DIABLO: variants seen among roughly 807,000 people sequenced by gnomAD.
DIABLO encodes the protein diablo homolog, mitochondrial.
In DIABLO, 32 loss-of-function variants were observed where a neutral mutation model predicts 31.7. The observed-to-expected ratio is 1.01, with a 90% CI of 0.76 to 1.35. DIABLO has a LOEUF of 1.35. Ranked by LOEUF, DIABLO falls within the 40% of genes most tolerant of loss-of-function variation. The pLI, the probability that DIABLO is intolerant of heterozygous loss-of-function variation, is 0.00. For synonymous variants in DIABLO, 132 were observed against 103.2 expected, an observed-to-expected ratio of 1.28 and a Z score of -1.69; for missense variants, 316 against 286.4, an observed-to-expected ratio of 1.10 and a Z score of -0.75.
intron 1 of DIABLO, 85 bp from the exon 2 acceptor site, chr12:122,224,729 A>C (rs780562855): frequency 6.2e-7 from 1 of 1,612,378 alleles, no homozygotes; most frequent in Non-Finnish European, 8.5e-7. Flanking sequence ...TGTAAACTCA[A>C]ACTCGAGCCA....
Position 122,208,306 on chromosome 12 carries a change from G to T in DIABLO, c.*75C>A. On this transcript the variant is annotated 3_prime_UTR_variant, in exon 6 of 6. Coordinates refer to ENST00000464942, the MANE Select transcript of DIABLO (RefSeq NM_001371333.1). ...CTCTTCTCGGTGCACAGACAGTCAT[G>T]CCAACCCTGGGCAGGGTGGCATCTG... 2 of 1,558,826 alleles carry T rather than the reference G, an allele frequency of 1.3e-6. No individual in the cohort carries two copies. Among genetic ancestry groups the T allele is most frequent in the Non-Finnish European group, 8.8e-7 (1 of 1,140,140 alleles).
intron 5 of DIABLO, among the ~76,000 whole-genome samples, chr12:122,209,335 C>G (rs908264821): frequency 6.6e-6 from 1 of 151,668 alleles, no homozygotes; most frequent in Admixed American, 6.6e-5. Flanking sequence ...TGCACTCCAG[C>G]CTGGGCGACA....
rs1026124106 is a variant in DIABLO at position 122,224,580 on chromosome 12, T to C, written c.115A>G (p.Ile39Val). The change falls in exon 2 of 6, where the codon ATA becomes GTA. Residue 39 changes from isoleucine (I) to valine (V), a missense_variant. By Grantham distance (29) the Ile-to-Val change is conservative (BLOSUM62 3). Coordinates refer to ENST00000464942, the MANE Select transcript of DIABLO (RefSeq NM_001371333.1). Reference protein sequence around the residue: ...NFKKRCFSELIRPWHKTVTIG... With the variant: ...NFKKRCFSELVRPWHKTVTIG... ...GTCACAGTTTTGTGCCATGGTCTTA[T>C]CAATTCTGAGAAACACCGCTTCTTA... The C allele has an allele frequency of 3.7e-6, 6 of 1,613,986 alleles. No individual in the cohort carries two copies. Among genetic ancestry groups the C allele is most frequent in the East Asian group, 2.2e-5 (1 of 44,886 alleles).
intron 2 of DIABLO, chr12:122,220,752 C>T: frequency 6.6e-6 from 1 of 152,194 alleles, no homozygotes; most frequent in East Asian, 1.9e-4. Flanking sequence ...AGAATCACTG[C>T]ATGTTGAAAG....
At chr12:122,227,397 G>A (rs938957755), upstream of DIABLO, 1 of 454,042 alleles carries the variant, frequency 2.2e-6, no homozygotes, top group East Asian at 6.9e-5. Context: ...AAGCTCCGCG[G>A]TTCTGTCTGC....
At chr12:122,216,068 G>A (rs1954205309) in intron 5 of DIABLO, among the ~76,000 whole-genome samples, 1 of 151,990 alleles carries the variant, frequency 6.6e-6, no homozygotes, top group Non-Finnish European at 1.5e-5. Context: ...TCCTGGTTTT[G>A]CCACTGACTA....
intron 1 of DIABLO, chr12:122,224,925 A>G: frequency 9.6e-7 from 1 of 1,044,610 alleles, no homozygotes; most frequent in Non-Finnish European, 1.3e-6. Flanking sequence ...CCTGGGCAAC[A>G]TGGCTGGCAA....
At chr12:122,214,879 C>A (rs999128572) in intron 5 of DIABLO, among the ~76,000 whole-genome samples, 1 of 152,110 alleles carries the variant, frequency 6.6e-6, no homozygotes, top group Non-Finnish European at 1.5e-5. Context: ...TTAGTAGAGA[C>A]AGGGTTTCAC....
rs191255872 is a variant in DIABLO at position 122,208,560 on chromosome 12, T to G, written c.541A>C (p.Ile181Leu). The change falls in exon 6 of 6, where the codon ATA becomes CTA. Residue 181 changes from isoleucine (I) to leucine (L), a missense_variant. Ile to Leu is a conservative substitution (Grantham distance 5). Coordinates refer to ENST00000464942, the MANE Select transcript of DIABLO (RefSeq NM_001371333.1). Reference sequence around the variant, plus strand: ...AGCTGAATGTGATTCCTGGCGGTTATAGAGGCCTGATCTGCGCCTGCCAAA... The same window carrying G: ...AGCTGAATGTGATTCCTGGCGGTTAGAGAGGCCTGATCTGCGCCTGCCAAA... The part of the protein sequence containing the change: ...AYQTGADQAS[I>L]TARNHIQLVK... 388 of 1,613,422 alleles carry G rather than the reference T, an allele frequency of 2.4e-4. 3 individuals carry two copies. Among genetic ancestry groups the G allele is most frequent in the Non-Finnish European group, 1.5e-5 (18 of 1,180,042 alleles).
At chr12:122,226,061 T>A, upstream of DIABLO, 1 of 1,579,328 alleles carries the variant, frequency 6.3e-7, no homozygotes, top group Non-Finnish European at 8.6e-7. Flanking sequence ...GTGACGCAGC[T>A]TCGTGAGCGC....
chr12:122,213,226 G>C (rs1199073899), intron 5 of DIABLO, among the ~76,000 whole-genome samples: 4 of 151,796 alleles, frequency 2.6e-5, no homozygotes. Flanking sequence ...CCAGATTTTT[G>C]GTTAAAAAAG....
intron 2 of DIABLO, chr12:122,220,802 A>G (rs1488415977): frequency 6.6e-6 from 1 of 152,244 alleles, no homozygotes; most frequent in Admixed American, 6.5e-5. Flanking sequence ...CAAATCAAGA[A>G]CTTTATATTT....
chr12:122,216,778 A>T lies in DIABLO; in HGVS notation c.407T>A (p.Ile136Asn), dbSNP rs773157999. 5 of 1,614,230 alleles carry T rather than the reference A, an allele frequency of 3.1e-6. No homozygotes were observed. The highest frequency in any genetic ancestry group is 4.2e-6 in the Non-Finnish European group (5 of 1,180,042). The change falls in exon 4 of 6, where the codon ATC (isoleucine) becomes AAC (asparagine). Residue 136 changes from isoleucine (I) to asparagine (N), a missense_variant. Ile to Asn is a moderately radical substitution (Grantham distance 149). Transcript: ENST00000464942. ...SEEEDEVWQV[I>N]IGARAEMTSK... ...GCTTACCTCAGCTCTGGCTCCTATG[A>T]TCACCTGCCACACTTCATCTTCCTC...
At chr12:122,221,649 C>G (rs1391406288) in intron 2 of DIABLO, 1 of 152,162 alleles carries the variant, frequency 6.6e-6, no homozygotes, top group East Asian at 1.9e-4. Flanking sequence ...CCTCCCACCT[C>G]AGCCTCCAAA....
At chr12:122,219,745 C>T (rs1954294075) in intron 2 of DIABLO, among the ~76,000 whole-genome samples, 2 of 151,420 alleles carry the variant, frequency 1.3e-5, no homozygotes, top group Admixed American at 6.6e-5. Context: ...CACCTGTAGT[C>T]CCAGCTACTT....
rs1192820964 is a variant in DIABLO, at chr12:122,207,761, C to T, written c.*620G>A. 5 of 479,896 alleles carry T rather than the reference C, an allele frequency of 1.0e-5. No individual in the cohort carries two copies. The highest frequency in any genetic ancestry group is 6.2e-5 in the South Asian group (4 of 64,702). 29.7% of individuals were successfully genotyped at this position (479,896 alleles called of 1,614,324 possible). A position where few individuals can be genotyped will look rare whatever the true frequency, so the allele number is the denominator to read the frequency against. Reference sequence around the variant, plus strand: ...AGAGAAACGGAAAGAAAGGAAGGAACAAGAGGCCTGTGTTAAGTCCTGTTG... The same window carrying T: ...AGAGAAACGGAAAGAAAGGAAGGAATAAGAGGCCTGTGTTAAGTCCTGTTG... On this transcript the variant is annotated 3_prime_UTR_variant, in exon 6 of 6. Transcript: ENST00000464942.
At position 122,208,424 on chromosome 12, in the gene DIABLO, T is replaced by TC. The variant is rs771450082; in HGVS notation, c.676dup (p.Glu226GlyfsTer4). The TC allele has an allele frequency of 6.2e-7, 1 of 1,613,506 alleles. No homozygotes were observed. The highest frequency in any genetic ancestry group is 8.5e-7 in the Non-Finnish European group (1 of 1,180,010). On this transcript the variant is annotated frameshift_variant, in exon 6 of 6. Coordinates refer to ENST00000464942, the MANE Select transcript of DIABLO (RefSeq NM_001371333.1). LOFTEE classifies it high-confidence loss of function. ...GGCCTCCTGCTCCGACTCAGCCCGCTCCTCCCCTTCCTCCTGTGTTTTCTG... is the reference window on the plus strand; with the variant it reads ...GGCCTCCTGCTCCGACTCAGCCCGCTCCCTCCCCTTCCTCCTGTGTTTTCTG...
At chr12:122,227,285 C>T (rs1251058551), upstream of DIABLO, 1 of 429,644 alleles carries the variant, frequency 2.3e-6, no homozygotes, top group African/African-American at 2.0e-5. Flanking sequence ...TACAACACCT[C>T]CAATGCTGCT....
chr12:122,212,453 T>TA (rs11388299), intron 5 of DIABLO, among the ~76,000 whole-genome samples: 13,824 of 152,184 alleles, frequency 0.091, 2,052 homozygotes, highest in African/African-American at 0.31. Flanking sequence ...GGTAGTTGGC[T>TA]ATACATAAAA....
Sources: allele counts gnomAD v4.1 joint callset (sites outside exome capture counted in the v4.1 genomes callset), GRCh38; gene constraint gnomAD v4.1.1; transcripts MANE v1.5; gene names NCBI Gene and HGNC (gene_info 2026-07-23, HGNC 2026-07-21).